Variants in AGBL4 observed in about 807,000 individuals in gnomAD.
The protein encoded by AGBL4 is cytosolic carboxypeptidase 6.
In AGBL4, 58 loss-of-function variants were observed where a neutral mutation model predicts 66.4. The ratio of observed to expected loss-of-function variants is 0.87; its 90% confidence interval spans 0.71 to 1.09. AGBL4 has a LOEUF of 1.09. AGBL4 is among the 50% of genes least tolerant of loss of function. The pLI is 0.00. For missense variants in AGBL4, 579 were observed against 631.0 expected, an observed-to-expected ratio of 0.92 and a Z score of 0.88; for synonymous variants, 234 against 222.9, an observed-to-expected ratio of 1.05 and a Z score of -0.44.
intron 1 of AGBL4, among the ~76,000 whole-genome samples, chr1:49,948,458 TAG>T (rs376430036): frequency 1.0e-3 from 53 of 52,836 alleles, no homozygotes; most frequent in African/African-American, 1.2e-3. Flanking sequence ...TATATAAATA[TAG>T]ATAAATATAT....
chr1:49,000,844 T>C (rs1039505601), intron 5 of AGBL4, among the ~76,000 whole-genome samples: 9 of 152,168 alleles, frequency 5.9e-5, no homozygotes, highest in African/African-American at 2.2e-4. Flanking sequence ...TCTTACTGAA[T>C]ACACCACTAA....
At chr1:48,721,510 G>A (rs992822975) in intron 6 of AGBL4, among the ~76,000 whole-genome samples, 11 of 152,158 alleles carry the variant, frequency 7.2e-5, no homozygotes, top group African/African-American at 2.2e-4. Context: ...TTGGCAATAC[G>A]GGCTCACTAA....
chr1:49,518,715 A>T (rs920981775), intron 3 of AGBL4, among the ~76,000 whole-genome samples: 1 of 152,132 alleles, frequency 6.6e-6, no homozygotes, highest in Non-Finnish European at 1.5e-5. Context: ...AAAGGAATGT[A>T]AAACTATGAG....
chr1:48,938,206 G>A (rs6668965), intron 5 of AGBL4, among the ~76,000 whole-genome samples: 13,134 of 152,110 alleles, frequency 0.086, 695 homozygotes, highest in East Asian at 0.17. Flanking sequence ...AAGCACTGGC[G>A]TCTTACCTGC....
chr1:49,615,157 A>T (rs1645227208), intron 3 of AGBL4, among the ~76,000 whole-genome samples: 1 of 152,070 alleles, frequency 6.6e-6, no homozygotes, highest in Non-Finnish European at 1.5e-5. Flanking sequence ...TTCCCATAAA[A>T]ATCTTACTCT....
chr1:49,217,618 G>C (rs934818093), intron 4 of AGBL4, among the ~76,000 whole-genome samples: 6 of 152,050 alleles, frequency 3.9e-5, no homozygotes, highest in African/African-American at 1.4e-4. Flanking sequence ...TTGTGGCTGA[G>C]TGCATCTCAT....
At chr1:48,723,938 T>C (rs796795409) in intron 6 of AGBL4, among the ~76,000 whole-genome samples, 2 of 152,012 alleles carry the variant, frequency 1.3e-5, no homozygotes, top group South Asian at 2.1e-4. Flanking sequence ...GGGGCTGAGG[T>C]AGGTGAGGGG....
At chr1:49,563,689 T>G (rs1233818855) in intron 3 of AGBL4, among the ~76,000 whole-genome samples, 1 of 152,150 alleles carries the variant, frequency 6.6e-6, no homozygotes, top group Non-Finnish European at 1.5e-5. Context: ...AGCTTTTTGA[T>G]GTGTTGCTGG....
chr1:49,720,484 T>C (rs1333871849), intron 2 of AGBL4, among the ~76,000 whole-genome samples: 2 of 152,210 alleles, frequency 1.3e-5, no homozygotes, highest in East Asian at 1.9e-4. Context: ...GAGCACTTGC[T>C]ACATAGCAGC....
At chr1:49,284,976 T>G (rs2148412993) in intron 3 of AGBL4, among the ~76,000 whole-genome samples, 1 of 149,432 alleles carries the variant, frequency 6.7e-6, no homozygotes, top group African/African-American at 2.5e-5. Flanking sequence ...AGACAGAAAG[T>G]CAACAAGGAT....
In AGBL4 at chr1:49,113,648, CAGCTAT is replaced by C. The variant is rs546467955; in HGVS notation, c.378-67854_378-67849del. 1.6e-4 allele frequency among the ~76,000 whole-genome samples: 25 copies of C among 152,340 alleles called. No homozygotes were observed. The East Asian group carries it at 4.2e-3, about 26-fold the overall frequency. ...CCATCAGAGAAATCATTATCTATGG[CAGCTAT>C]AGCCTTATAAAATGTATTTCTTAAA... is the stretch of plus-strand genomic sequence containing the variant. On this transcript the variant is annotated intron_variant, in intron 4 of 13. Transcript: ENST00000371839.
chr1:49,274,715 A>C (rs1457631687), intron 3 of AGBL4, among the ~76,000 whole-genome samples: 2 of 152,126 alleles, frequency 1.3e-5, no homozygotes, highest in Non-Finnish European at 2.9e-5. Flanking sequence ...TAGAAATCAT[A>C]CTATTGGAGT....
At chr1:49,600,532 C>T (rs2124154988) in intron 3 of AGBL4, among the ~76,000 whole-genome samples, 1 of 152,298 alleles carries the variant, frequency 6.6e-6, no homozygotes, top group South Asian at 2.1e-4. Flanking sequence ...CTCTTGAATA[C>T]AGAACACCGA....
chr1:48,752,828 CA>C (rs1373621510), intron 6 of AGBL4, among the ~76,000 whole-genome samples: 6 of 152,108 alleles, frequency 3.9e-5, no homozygotes, highest in African/African-American at 1.4e-4. Context: ...TGGCTCACTG[CA>C]ACCTCTGCTT....
chr1:49,651,982 G>A (rs1383472867), intron 3 of AGBL4, among the ~76,000 whole-genome samples: 2 of 152,044 alleles, frequency 1.3e-5, no homozygotes, highest in Non-Finnish European at 2.9e-5. Flanking sequence ...AATTCAGGAT[G>A]TGAAAGACAA....
intron 3 of AGBL4, among the ~76,000 whole-genome samples, chr1:49,342,555 C>A (rs990935324): frequency 6.6e-6 from 1 of 152,120 alleles, no homozygotes; most frequent in African/African-American, 2.4e-5. Context: ...TTTTGCAGTT[C>A]ATGTCACAGT....
intron 5 of AGBL4, among the ~76,000 whole-genome samples, chr1:48,880,022 A>T (rs11205565): frequency 0.038 from 5,733 of 152,246 alleles, 352 homozygotes; most frequent in African/African-American, 0.13. Flanking sequence ...TTACATGAGT[A>T]AGTTCTTTGG....
chr1:49,449,800 C>G (rs1646238026), intron 3 of AGBL4, among the ~76,000 whole-genome samples: 2 of 151,972 alleles, frequency 1.3e-5, no homozygotes, highest in African/African-American at 4.8e-5. Context: ...TATTTTACAC[C>G]CTTCAAAATC....
intron 6 of AGBL4, among the ~76,000 whole-genome samples, chr1:48,678,758 G>T (rs1453745918): frequency 6.6e-6 from 1 of 152,212 alleles, no homozygotes; most frequent in African/African-American, 2.4e-5. Context: ...CCATTCTCCA[G>T]TTCCTGAGTT....
Sources: allele counts gnomAD v4.1 joint callset (sites outside exome capture counted in the v4.1 genomes callset), GRCh38; gene constraint gnomAD v4.1.1; transcripts MANE v1.5; gene names NCBI Gene and HGNC (gene_info 2026-07-23, HGNC 2026-07-21).